Variants in DNAH17 observed in about 807,000 individuals in gnomAD.
The protein encoded by DNAH17 is axonemal beta dynein heavy chain 17.
DNAH17 carries 376 observed loss-of-function variants against 485.6 expected under a neutral mutation model. The observed-to-expected ratio is 0.77, with a 90% CI of 0.71 to 0.84. The LOEUF is 0.84. Ranked by LOEUF, DNAH17 falls within the 40% of genes least tolerant of loss-of-function variation. The pLI, the probability that DNAH17 is intolerant of heterozygous loss-of-function variation, is 0.00. For synonymous variants in DNAH17, 3,031 were observed against 2,405.9 expected (o/e 1.26, Z -7.60); for missense variants, 6,370 against 5,839.3 (o/e 1.09, Z -2.96).
At chr17:78,569,708 T>TCA (rs1341161477) in intron 7 of DNAH17, among the ~76,000 whole-genome samples, 181 bp from the exon 8 acceptor site, 1 of 152,182 alleles carries the variant, frequency 6.6e-6, no homozygotes, top group East Asian at 1.9e-4. Flanking sequence ...CCTCGGCCCC[T>TCA]CATCCTTTGC....
At chr17:78,483,931 T>C (rs2089464069) in intron 48 of DNAH17, among the ~76,000 whole-genome samples, 1 of 151,778 alleles carries the variant, frequency 6.6e-6, no homozygotes, top group Non-Finnish European at 1.5e-5. Flanking sequence ...ACCCCTTCTC[T>C]ACTAAAAGTA....
chr17:78,566,743 G>A lies in DNAH17; in HGVS notation c.1453-13C>T, dbSNP rs763303094. 17 of 1,574,172 alleles carry A rather than the reference G, an allele frequency of 1.1e-5. No individual in the cohort carries two copies. The highest frequency in any genetic ancestry group is 2.7e-5 in the African/African-American group (2 of 74,160). ...CACGGTCAAAATTCTAAAAGCAAATGGAAATGTCAACCTTGTAATCAGCGT... is the reference window on the plus strand; with the variant it reads ...CACGGTCAAAATTCTAAAAGCAAATAGAAATGTCAACCTTGTAATCAGCGT... On this transcript the variant is annotated splice_polypyrimidine_tract_variant and intron_variant, in intron 10 of 80. Coordinates refer to ENST00000389840, the MANE Select transcript of DNAH17 (RefSeq NM_173628.4).
At chr17:78,456,238 G>A (rs1052628098) in intron 62 of DNAH17, among the ~76,000 whole-genome samples, 1 of 152,216 alleles carries the variant, frequency 6.6e-6, no homozygotes, top group Non-Finnish European at 1.5e-5. Context: ...GGCGGAGGTT[G>A]CAGGGAGCCG....
chr17:78,534,031 C>G (rs1453220008), intron 19 of DNAH17, among the ~76,000 whole-genome samples: 1 of 152,204 alleles, frequency 6.6e-6, no homozygotes, highest in Non-Finnish European at 1.5e-5. Context: ...CCTTATGGGC[C>G]AGGAAGAGCC....
At chr17:78,562,120 C>G in intron 11 of DNAH17, 140 bp from the exon 12 acceptor site, 1 of 1,063,718 alleles carries the variant, frequency 9.4e-7, no homozygotes, top group East Asian at 2.6e-5. Context: ...TCCACTGGAA[C>G]CTTTGTGTGT....
intron 49 of DNAH17, among the ~76,000 whole-genome samples, chr17:78,480,225 T>C (rs2089291846): frequency 1.3e-5 from 2 of 151,776 alleles, no homozygotes; most frequent in South Asian, 4.2e-4. Context: ...GGCGCACACC[T>C]GTAGCCTCAG....
In DNAH17 at chr17:78,468,877, G is replaced by C. The variant is rs1479094068; in HGVS notation, c.8518C>G (p.Leu2840Val). 1 of 1,612,696 alleles carries C rather than the reference G, an allele frequency of 6.2e-7. No individual in the cohort carries two copies. Among genetic ancestry groups the C allele is most frequent in the Non-Finnish European group, 8.5e-7 (1 of 1,179,628 alleles). ...GYGIPDLKID[L>V]AAQYIKAAVK... Reference sequence around the variant, plus strand: ...GCAGCCTTTATGTACTGAGCAGCGAGGTCAATCTGGACGGAGTGAGGACAC... The same window carrying C: ...GCAGCCTTTATGTACTGAGCAGCGACGTCAATCTGGACGGAGTGAGGACAC... Residue 2840 changes from leucine to valine, a missense_variant, in exon 55 of 81, where the codon CTC becomes GTC. By Grantham distance (32) the Leu-to-Val change is conservative. Coordinates refer to ENST00000389840, the MANE Select transcript of DNAH17 (RefSeq NM_173628.4).
chr17:78,462,547 C>G (rs939933649), intron 57 of DNAH17, among the ~76,000 whole-genome samples: 1 of 152,182 alleles, frequency 6.6e-6, no homozygotes, highest in African/African-American at 2.4e-5. Context: ...TTTGTATTGA[C>G]TGCATTGGGC....
chr17:78,517,446 T>C (rs1369930633), intron 25 of DNAH17, among the ~76,000 whole-genome samples: 3 of 152,332 alleles, frequency 2.0e-5, no homozygotes, highest in East Asian at 3.9e-4. Context: ...AACCAACATA[T>C]GCACACACAC....
chr17:78,423,845 C>T lies in DNAH17; in HGVS notation c.*61G>A, dbSNP rs746767108. On this transcript the variant is annotated 3_prime_UTR_variant, in exon 81 of 81. Coordinates refer to ENST00000389840, the MANE Select transcript of DNAH17 (RefSeq NM_173628.4). ...CTGTAAAGAATAAGTCACAGGTGCACAGGTGAAGGGCTGAGTTGTGGTCCA... is the reference window on the plus strand; with the variant it reads ...CTGTAAAGAATAAGTCACAGGTGCATAGGTGAAGGGCTGAGTTGTGGTCCA... 9.9e-5 allele frequency: 158 copies of T among 1,592,896 alleles called. No homozygotes were observed. Among genetic ancestry groups the T allele is most frequent in the Middle Eastern group, 1.7e-4 (1 of 5,972 alleles).
chr17:78,518,494 C>G (rs2090847804), intron 25 of DNAH17, among the ~76,000 whole-genome samples: 1 of 152,160 alleles, frequency 6.6e-6, no homozygotes, highest in South Asian at 2.1e-4. Flanking sequence ...TCAAAATACA[C>G]AAAGCAAAAA....
chr17:78,484,925 T>A lies in DNAH17; in HGVS notation c.7592A>T (p.Lys2531Met). Residue 2531 changes from lysine (K) to methionine (M), a missense_variant, in exon 48 of 81, where the codon AAG becomes ATG. Lys to Met is a moderately conservative substitution (Grantham distance 95, BLOSUM62 -1). Coordinates refer to ENST00000389840, the MANE Select transcript of DNAH17 (RefSeq NM_173628.4). ...IDDMNMPEVD[K>M]YGTVAPHTLI... ...GGTGTGCGGGGCCACCGTCCCATAC[T>A]TGTCCACCTCGGGCATGTTCATGTC... 6.2e-7 allele frequency: 1 copy of A among 1,606,234 alleles called. No individual in the cohort carries two copies. Among genetic ancestry groups the A allele is most frequent in the Non-Finnish European group, 8.5e-7 (1 of 1,176,054 alleles).
At chr17:78,576,875 C>T (rs12937926) in intron 1 of DNAH17, among the ~76,000 whole-genome samples, 33,441 of 152,208 alleles carry the variant, frequency 0.22, 4,580 homozygotes, top group East Asian at 0.56. Flanking sequence ...CAGGCTCCCA[C>T]CCAGCCGTTT....
At chr17:78,563,704 C>T (rs547984805) in intron 11 of DNAH17, among the ~76,000 whole-genome samples, 6 of 152,220 alleles carry the variant, frequency 3.9e-5, no homozygotes, top group East Asian at 1.9e-4. Flanking sequence ...TGCTCTAGAA[C>T]GTTCCTGGCT....
At chr17:78,429,903 G>A (rs1484067895) in intron 75 of DNAH17, among the ~76,000 whole-genome samples, 2 of 152,130 alleles carry the variant, frequency 1.3e-5, no homozygotes, top group Admixed American at 6.5e-5. Context: ...TGCCTCCAGG[G>A]TCTTTGCAGT....
At chr17:78,440,206 A>ACTACAG (rs1201539701) in intron 72 of DNAH17, among the ~76,000 whole-genome samples, 2 of 132,848 alleles carry the variant, frequency 1.5e-5, no homozygotes, top group African/African-American at 5.6e-5. Context: ...AAGTTCTGGG[A>ACTACAG]CTACAGCTGT....
In DNAH17 at chr17:78,479,508, C is replaced by G; in HGVS notation, c.7877G>C (p.Ser2626Thr). Residue 2626 changes from serine (S) to threonine (T), a missense_variant, in exon 50 of 81, where the codon AGC (serine) becomes ACC (threonine). Physicochemically the swap from Ser to Thr is moderately conservative, Grantham distance 58. Coordinates refer to ENST00000389840, the MANE Select transcript of DNAH17 (RefSeq NM_173628.4). ...ACCCAGGGCCGCGGCCACCAGCTGG[C>G]TGCTTATCCTCTGGATAGCCATGGA... is the stretch of plus-strand genomic sequence containing the variant. ...SVSMAIQRIS[S>T]QLVAAALALH... is the part of the protein sequence containing the mutation. 6.2e-7 allele frequency: 1 copy of G among 1,612,504 alleles called. No homozygotes were observed. The highest frequency in any genetic ancestry group is 8.5e-7 in the Non-Finnish European group (1 of 1,179,534).
chr17:78,433,913 A>AAGGGAGGGAAGG (rs2085969157), intron 75 of DNAH17, 116 bp downstream of exon 75: 15 of 507,722 alleles, frequency 3.0e-5, no homozygotes, highest in Admixed American at 6.7e-5. Flanking sequence ...ACCAAAAGGA[A>AAGGGAGGGAAGG]AGGGAGGGAA....
chr17:78,560,482 C>CTT (rs2092128774), intron 13 of DNAH17, among the ~76,000 whole-genome samples: 1 of 148,744 alleles, frequency 6.7e-6, no homozygotes, highest in Non-Finnish European at 1.5e-5. Flanking sequence ...GACTTTTTCC[C>CTT]CCCCCCCAGT....
Sources: gnomAD v4.1 joint callset for allele counts (sites outside exome capture counted in the v4.1 genomes callset) on GRCh38, gnomAD v4.1.1 for gene constraint, MANE v1.5 for transcripts, NCBI Gene and HGNC (gene_info 2026-07-23, HGNC 2026-07-21) for gene names.